The following MYCT1 variants were observed in gnomAD, a reference collection of about 807,000 sequenced individuals.
MYCT1 encodes the protein MYC target 1.
A neutral mutation model predicts 15.0 loss-of-function variants in MYCT1; 12 were observed. The observed-to-expected ratio is 0.80, with a 90% confidence interval of 0.51 to 1.29. The LOEUF is 1.29. Among genes scored for constraint, MYCT1 ranks in the 50% most tolerant of loss-of-function variants. MYCT1 has a pLI of 0.00. For missense variants in MYCT1, 287 were observed against 279.1 expected (o/e 1.03, Z -0.20); for synonymous variants, 104 against 102.7 (o/e 1.01, Z -0.07).
intron 1 of MYCT1, among the ~76,000 whole-genome samples, chr6:152,700,601 A>T (rs1430714696): frequency 6.6e-6 from 1 of 152,184 alleles, no homozygotes; most frequent in Non-Finnish European, 1.5e-5. Context: ...GACAACACAG[A>T]TGCAGACTAT....
downstream of MYCT1, among the ~76,000 whole-genome samples, chr6:152,725,180 C>T (rs1251211691): frequency 6.6e-6 from 1 of 151,250 alleles, no homozygotes; most frequent in Admixed American, 6.6e-5. Flanking sequence ...CTAAAACAAG[C>T]AAAAACAAAA....
At chr6:152,717,628 C>G (rs910205978) in intron 1 of MYCT1, among the ~76,000 whole-genome samples, 3 of 152,092 alleles carry the variant, frequency 2.0e-5, no homozygotes, top group African/African-American at 7.2e-5. Context: ...CTTGCTCCTG[C>G]TTGTCTTCCA....
In MYCT1 at chr6:152,722,490, G is replaced by A; in HGVS notation, c.*237G>A. On this transcript the variant is annotated 3_prime_UTR_variant, in exon 2 of 2. Transcript: ENST00000367245. ...CAAGCGTTTTATATTTATGTATTTT[G>A]TATTCAATGTGAGGCTTATTAAAAA... 1 of 452,954 alleles carries A rather than the reference G, an allele frequency of 2.2e-6. No individual in the cohort carries two copies. The highest frequency in any genetic ancestry group is 3.6e-5 in the South Asian group (1 of 27,826). The allele number at this position is 452,954 out of a possible 1,614,324, so 28.1% of individuals were successfully genotyped here. A position where few individuals can be genotyped will look rare whatever the true frequency, so the allele number is the denominator to read the frequency against.
intron 1 of MYCT1, among the ~76,000 whole-genome samples, chr6:152,699,648 T>C (rs2099720988): frequency 6.6e-6 from 1 of 152,146 alleles, no homozygotes; most frequent in Non-Finnish European, 1.5e-5. Flanking sequence ...AAGTGTTCTG[T>C]ATAAATTATT....
chr6:152,713,784 C>G (rs570648243), intron 1 of MYCT1, among the ~76,000 whole-genome samples: 39 of 152,232 alleles, frequency 2.6e-4, no homozygotes, highest in African/African-American at 9.4e-4. Context: ...TTCTCAGCAG[C>G]TCTTGTTTCC....
chr6:152,739,223 G>C, the MYCT1 span, among the ~76,000 whole-genome samples: 2 of 150,952 alleles, frequency 1.3e-5, no homozygotes, highest in African/African-American at 4.9e-5. Context: ...ATATTGATTG[G>C]AGATTATAAT....
intron 1 of MYCT1, among the ~76,000 whole-genome samples, chr6:152,719,974 A>G (rs2099724398): frequency 6.6e-6 from 1 of 152,164 alleles, no homozygotes; most frequent in South Asian, 2.1e-4. Flanking sequence ...ACCCCCAAAC[A>G]TAGTAGCTTA....
At chr6:152,707,007 T>C (rs1248009457) in intron 1 of MYCT1, among the ~76,000 whole-genome samples, 1 of 152,078 alleles carries the variant, frequency 6.6e-6, no homozygotes, top group African/African-American at 2.4e-5. Flanking sequence ...TCTGATCTCA[T>C]TTCCTTTTAA....
At chr6:152,724,836 C>T (rs1400352931), downstream of MYCT1, among the ~76,000 whole-genome samples, 1 of 151,710 alleles carries the variant, frequency 6.6e-6, no homozygotes, top group East Asian at 1.9e-4. Context: ...GGGAACATCA[C>T]AAATAAATTT....
downstream of MYCT1, among the ~76,000 whole-genome samples, chr6:152,727,722 G>C (rs2099725911): frequency 6.6e-6 from 1 of 152,154 alleles, no homozygotes; most frequent in Non-Finnish European, 1.5e-5. Flanking sequence ...AGGTGTCACT[G>C]CTGCCAGTGA....
At position 152,698,058 on chromosome 6, in the gene MYCT1, C is replaced by T; in HGVS notation, c.156C>T (p.Asn52=). 1 of 1,604,142 alleles carries T rather than the reference C, an allele frequency of 6.2e-7. No individual in the cohort carries two copies. The highest frequency in any genetic ancestry group is 8.5e-7 in the Non-Finnish European group (1 of 1,177,092). ...LLFLVDIMAN[N]TTSLGSPWPE... is the part of the protein sequence containing the mutation. ...TTCTTGTGGATATTATGGCTAATAACACAACAAGTTTAGGGAGTCCATGGC... is the reference window on the plus strand; with the variant it reads ...TTCTTGTGGATATTATGGCTAATAATACAACAAGTTTAGGGAGTCCATGGC... Residue 52 remains asparagine (N), a synonymous_variant, in exon 1 of 2, where the codon AAC becomes AAT. Coordinates refer to ENST00000367245, the MANE Select transcript of MYCT1 (RefSeq NM_025107.3).
At chr6:152,732,197 G>A in the MYCT1 span, among the ~76,000 whole-genome samples, 1 of 152,024 alleles carries the variant, frequency 6.6e-6, no homozygotes, top group Admixed American at 6.6e-5. Context: ...ATGTCATGTG[G>A]AAATAAAACT....
At chr6:152,714,843 C>A (rs1028288001) in intron 1 of MYCT1, among the ~76,000 whole-genome samples, 1 of 151,258 alleles carries the variant, frequency 6.6e-6, no homozygotes, top group Non-Finnish European at 1.5e-5. Context: ...AAGTATATAA[C>A]TTTCTATTTC....
At chr6:152,731,386 T>A in the MYCT1 span, among the ~76,000 whole-genome samples, 8 of 152,238 alleles carry the variant, frequency 5.3e-5, no homozygotes, top group Non-Finnish European at 1.0e-4. Context: ...CTATTTTTTT[T>A]ATACTTTAAG....
At chr6:152,731,439 T>C in the MYCT1 span, among the ~76,000 whole-genome samples, 2 of 152,274 alleles carry the variant, frequency 1.3e-5, no homozygotes, top group Non-Finnish European at 2.9e-5. Context: ...GTTACATATG[T>C]ATACATGTGC....
At chr6:152,734,514 T>C in the MYCT1 span, among the ~76,000 whole-genome samples, 5 of 152,176 alleles carry the variant, frequency 3.3e-5, no homozygotes, top group Admixed American at 2.6e-4. Flanking sequence ...AGCAGTATTC[T>C]TTCTGGGTGG....
At chr6:152,712,907 C>A (rs1435827271) in intron 1 of MYCT1, among the ~76,000 whole-genome samples, 1 of 151,892 alleles carries the variant, frequency 6.6e-6, no homozygotes, top group Non-Finnish European at 1.5e-5. Flanking sequence ...ATATATTCTG[C>A]TTGATGTTAC....
chr6:152,735,941 C>A, the MYCT1 span, among the ~76,000 whole-genome samples: 1 of 151,886 alleles, frequency 6.6e-6, no homozygotes, highest in Non-Finnish European at 1.5e-5. Context: ...TCTTTTATTT[C>A]TTTCCTCTTT....
At chr6:152,724,576 T>A (rs2099725305), downstream of MYCT1, 1 of 152,196 alleles carries the variant, frequency 6.6e-6, no homozygotes, top group African/African-American at 2.4e-5. Context: ...TCAAGTTTTA[T>A]TCAAAATTCA....
Sources: gnomAD v4.1 joint callset for allele counts (sites outside exome capture counted in the v4.1 genomes callset) on GRCh38, gnomAD v4.1.1 for gene constraint, MANE v1.5 for transcripts, NCBI Gene and HGNC (gene_info 2026-07-23, HGNC 2026-07-21) for gene names.